The following FANCC variants were observed in gnomAD, a reference collection of about 807,000 sequenced individuals.
FANCC encodes FA complementation group C, also known as Fanconi anemia group C protein.
In FANCC, 55 loss-of-function variants were observed where a neutral mutation model predicts 71.3. The observed-to-expected ratio is 0.77, with a 90% CI of 0.62 to 0.97. The LOEUF (loss-of-function observed/expected upper bound fraction) is 0.97, where lower values mean the gene tolerates loss of function less well. FANCC is among the 50% of genes least tolerant of loss of function. The pLI is 0.00. For synonymous variants in FANCC, 275 were observed against 244.9 expected, an observed-to-expected ratio of 1.12 and a Z score of -1.15; for missense variants, 678 against 670.9, an observed-to-expected ratio of 1.01 and a Z score of -0.12.
At chr9:95,144,795 C>T (rs1829298598) in intron 7 of FANCC, among the ~76,000 whole-genome samples, 1 of 152,116 alleles carries the variant, frequency 6.6e-6, no homozygotes, top group Non-Finnish European at 1.5e-5. Context: ...AGTGGTGGGG[C>T]CGTGAAGCGT....
chr9:95,231,594 A>G (rs1426049721), intron 4 of FANCC, among the ~76,000 whole-genome samples: 2 of 152,122 alleles, frequency 1.3e-5, no homozygotes, highest in African/African-American at 4.8e-5. Context: ...AATTGTCTAC[A>G]AGCCTGAATT....
chr9:95,151,027 G>A (rs992821518), intron 6 of FANCC, among the ~76,000 whole-genome samples: 1 of 152,192 alleles, frequency 6.6e-6, no homozygotes, highest in Non-Finnish European at 1.5e-5. Context: ...AACAGCTATA[G>A]GTGGCTGGCG....
rs185807510 is a variant in FANCC, at chr9:95,162,268, T to A, written c.521+8811A>T. Among the ~76,000 whole-genome samples, 4 of 152,358 alleles carry A rather than the reference T, an allele frequency of 2.6e-5. No homozygotes were observed. In the East Asian group the frequency reaches 7.7e-4, roughly 29 times the overall value. The stretch of plus-strand genomic sequence containing the variant: ...TAATGTCCTTAAGTTTCATCCACAC[T>A]GTAGCATATGACAGGACTTCCTTCT... On this transcript the variant is annotated intron_variant, in intron 6 of 14. Transcript: ENST00000289081.
chr9:95,125,161 C>A lies in FANCC; in HGVS notation c.921G>T (p.Gly307=), dbSNP rs1410236696. ...MFRCALLETD[G]ALEIIATIQV... ...GAATAGTGGCTATGATTTCCAGGGC[C>A]CCATCGGTTTCCAGGAGTGCACACC... The change falls in exon 10 of 15, where the codon GGG becomes GGT. Residue 307 remains glycine (G), a synonymous_variant. Transcript: ENST00000289081. 6.2e-7 allele frequency: 1 copy of A among 1,614,112 alleles called. No individual in the cohort carries two copies.
At chr9:95,225,124 G>A (rs534252640) in intron 4 of FANCC, among the ~76,000 whole-genome samples, 131 of 152,278 alleles carry the variant, frequency 8.6e-4, no homozygotes, top group Non-Finnish European at 1.4e-3. Context: ...TGGATCCTGG[G>A]AGGGATGTCA....
chr9:95,254,112 G>A (rs1424681736), intron 1 of FANCC, among the ~76,000 whole-genome samples: 1 of 152,208 alleles, frequency 6.6e-6, no homozygotes, highest in Non-Finnish European at 1.5e-5. Flanking sequence ...GTGCTATTGG[G>A]AAGGTGTGCA....
intron 3 of FANCC, among the ~76,000 whole-genome samples, chr9:95,243,598 C>T (rs1434883140): frequency 6.6e-6 from 1 of 151,516 alleles, no homozygotes; most frequent in Non-Finnish European, 1.5e-5. Flanking sequence ...TCCTAGCTAA[C>T]ACGGTGAAAC....
chr9:95,308,848 T>G (rs1353746933), intron 1 of FANCC, among the ~76,000 whole-genome samples: 1 of 152,062 alleles, frequency 6.6e-6, no homozygotes. Context: ...AAATTCAAGA[T>G]ATTTTTAAGG....
At chr9:95,132,905 A>G (rs991924602) in intron 8 of FANCC, among the ~76,000 whole-genome samples, 3 of 152,218 alleles carry the variant, frequency 2.0e-5, no homozygotes, top group Non-Finnish European at 4.4e-5. Context: ...GCATAGTCCC[A>G]AGAGAGAGAA....
chr9:95,133,028 C>T (rs898207483), intron 8 of FANCC, among the ~76,000 whole-genome samples: 5 of 152,200 alleles, frequency 3.3e-5, no homozygotes, highest in Non-Finnish European at 5.9e-5. Context: ...TGGAGCACAG[C>T]GCAGCAGTCT....
chr9:95,297,378 A>G (rs1479680708), intron 1 of FANCC, among the ~76,000 whole-genome samples: 1 of 152,114 alleles, frequency 6.6e-6, no homozygotes, highest in Non-Finnish European at 1.5e-5. Flanking sequence ...TCTGCTGGTG[A>G]CTGGCCCACC....
chr9:95,135,590 C>A (rs907851879), intron 7 of FANCC, 88 bp from the exon 8 acceptor site: 2 of 1,107,546 alleles, frequency 1.8e-6, no homozygotes, highest in African/African-American at 3.1e-5. Context: ...AATCACTAAT[C>A]CAATTTGTGA....
intron 4 of FANCC, among the ~76,000 whole-genome samples, chr9:95,184,656 T>C (rs528244188): frequency 2.6e-5 from 4 of 152,282 alleles, no homozygotes; most frequent in African/African-American, 9.6e-5. Flanking sequence ...CAATTCCAAA[T>C]AGGGTTTTTG....
intron 6 of FANCC, among the ~76,000 whole-genome samples, chr9:95,162,239 T>C (rs1285651101): frequency 6.6e-6 from 1 of 152,244 alleles, no homozygotes; most frequent in African/African-American, 2.4e-5. Context: ...TACTTCACTT[T>C]GCATAATGTC....
chr9:95,235,505 T>C (rs1830263199), intron 4 of FANCC, among the ~76,000 whole-genome samples: 1 of 152,084 alleles, frequency 6.6e-6, no homozygotes, highest in African/African-American at 2.4e-5. Context: ...TAGAAGATAA[T>C]ATGGAAGATC....
At chr9:95,188,114 T>C (rs1160729475) in intron 4 of FANCC, among the ~76,000 whole-genome samples, 1 of 152,136 alleles carries the variant, frequency 6.6e-6, no homozygotes, top group African/African-American at 2.4e-5. Flanking sequence ...GTCTAGAACC[T>C]ATCCTAATTA....
At chr9:95,164,712 C>A (rs1387436997) in intron 6 of FANCC, among the ~76,000 whole-genome samples, 1 of 152,070 alleles carries the variant, frequency 6.6e-6, no homozygotes, top group African/African-American at 2.4e-5. Context: ...TGCTGAGAAT[C>A]CTTCCATCAT....
At chr9:95,143,807 C>T (rs1299436395) in intron 7 of FANCC, among the ~76,000 whole-genome samples, 1 of 152,170 alleles carries the variant, frequency 6.6e-6, no homozygotes, top group African/African-American at 2.4e-5. Flanking sequence ...GGTTTTATGC[C>T]GTCTTTAGCC....
intron 4 of FANCC, among the ~76,000 whole-genome samples, chr9:95,217,906 A>G (rs1307086222): frequency 6.6e-6 from 1 of 152,208 alleles, no homozygotes; most frequent in African/African-American, 2.4e-5. Flanking sequence ...AATGTCAGAA[A>G]TAAAAGAGAA....
Sources: allele counts gnomAD v4.1 joint callset (sites outside exome capture counted in the v4.1 genomes callset), GRCh38; gene constraint gnomAD v4.1.1; transcripts MANE v1.5; gene names NCBI Gene and HGNC (gene_info 2026-07-23, HGNC 2026-07-21).